Variants in PRTFDC1 observed in about 807,000 individuals in gnomAD.
The protein encoded by PRTFDC1 is phosphoribosyltransferase domain-containing protein 1.
PRTFDC1 carries 38 observed loss-of-function variants against 34.6 expected under a neutral mutation model. The ratio of observed to expected loss-of-function variants is 1.10; its 90% CI spans 0.85 to 1.44. The LOEUF is 1.44. PRTFDC1 is among the 40% of genes most tolerant of loss of function. The pLI is 0.00. For synonymous variants in PRTFDC1, 93 were observed against 98.1 expected (o/e 0.95, Z 0.31); for missense variants, 270 against 283.0 (o/e 0.95, Z 0.33).
At chr10:24,880,840 T>TTTCTTTCTTTC (rs1355396633) in intron 3 of PRTFDC1, among the ~76,000 whole-genome samples, 1 of 147,298 alleles carries the variant, frequency 6.8e-6, no homozygotes, top group East Asian at 2.0e-4. Flanking sequence ...TCTTTCTTTC[T>TTTCTTTCTTTC]TTCTTTCTTT....
intron 3 of PRTFDC1, among the ~76,000 whole-genome samples, chr10:24,885,838 A>G (rs1848155955): frequency 6.6e-6 from 1 of 152,270 alleles, no homozygotes. Context: ...CAAGCCATAA[A>G]AAGACATGAA....
chr10:24,867,471 C>T (rs904850272), intron 4 of PRTFDC1, among the ~76,000 whole-genome samples: 1 of 152,184 alleles, frequency 6.6e-6, no homozygotes, highest in Non-Finnish European at 1.5e-5. Context: ...TTTTGTGTCT[C>T]CTGTTTGCTT....
rs1428359506 is a variant in PRTFDC1, at chr10:24,849,429, T to A, written c.*415A>T. Reference sequence around the variant, plus strand: ...ACTCAAGTCTTCAGTTAAAAAAAAGTCCCCAGCTTCTTAATATTGTAAGCT... The same window carrying A: ...ACTCAAGTCTTCAGTTAAAAAAAAGACCCCAGCTTCTTAATATTGTAAGCT... On this transcript the variant is annotated 3_prime_UTR_variant, in exon 9 of 9. Coordinates refer to ENST00000320152, the MANE Select transcript of PRTFDC1 (RefSeq NM_020200.7). 6.5e-6 allele frequency: 1 copy of A among 154,630 alleles called. No individual in the cohort carries two copies. Among genetic ancestry groups the A allele is most frequent in the East Asian group, 1.9e-4 (1 of 5,276 alleles). 9.6% of individuals were successfully genotyped at this position (154,630 alleles called of 1,614,324 possible).
intron 3 of PRTFDC1, among the ~76,000 whole-genome samples, chr10:24,886,280 T>C (rs1202870226): frequency 6.6e-6 from 1 of 152,130 alleles, no homozygotes; most frequent in African/African-American, 2.4e-5. Flanking sequence ...AAGCTAAAAC[T>C]ACTCTGAAAA....
Position 24,952,129 on chromosome 10 carries a change from G to A in PRTFDC1, c.48+399C>T, listed in dbSNP as rs537798096. Among the ~76,000 whole-genome samples, 3 of 152,320 alleles carry A rather than the reference G, an allele frequency of 2.0e-5. No individual in the cohort carries two copies. Among genetic ancestry groups the A allele is most frequent in the South Asian group, 2.1e-4 (1 of 4,830 alleles). Reference sequence around the variant, plus strand: ...TTTTTAAAAACAAAACTTGAAGCCCGCCCTGGAGGAGTCAAGAGGAGACCC... The same window carrying A: ...TTTTTAAAAACAAAACTTGAAGCCCACCCTGGAGGAGTCAAGAGGAGACCC... On this transcript the variant is annotated intron_variant, in intron 1 of 8. Coordinates refer to ENST00000320152, the MANE Select transcript of PRTFDC1 (RefSeq NM_020200.7). This position sits in a 1 kb window ranked among gnomAD's most constrained non-coding sequence, Gnocchi z 5.1.
In PRTFDC1 at chr10:24,952,014, C is replaced by G. The variant is rs1849352759; in HGVS notation, c.48+514G>C. ...CAGAGGCCTCCACTGCCAGAGAGCC[C>G]CCAACCTGGGTACCAAAGGCTTCAA... On this transcript the variant is annotated intron_variant, in intron 1 of 8. Transcript: ENST00000320152. This position sits in a 1 kb window ranked among gnomAD's most constrained non-coding sequence, Gnocchi z 5.1. Among the ~76,000 whole-genome samples the G allele has an allele frequency of 6.6e-6, 1 of 152,226 alleles. No homozygotes were observed. The highest frequency in any genetic ancestry group is 2.4e-5 in the African/African-American group (1 of 41,460).
intron 7 of PRTFDC1, among the ~76,000 whole-genome samples, chr10:24,851,684 T>A (rs569915238): frequency 6.6e-6 from 1 of 151,712 alleles, no homozygotes; most frequent in African/African-American, 2.4e-5. Flanking sequence ...CAACCTACAA[T>A]GAAGAATGAC....
chr10:24,911,541 T>A (rs1034394249), intron 3 of PRTFDC1, among the ~76,000 whole-genome samples: 2 of 152,212 alleles, frequency 1.3e-5, no homozygotes, highest in Non-Finnish European at 2.9e-5. Flanking sequence ...ATAAAGTTGC[T>A]ATGAATATTT....
chr10:24,863,445 T>A (rs943721618), intron 4 of PRTFDC1, among the ~76,000 whole-genome samples: 1 of 152,196 alleles, frequency 6.6e-6, no homozygotes, highest in Non-Finnish European at 1.5e-5. Context: ...TTATGCTCAT[T>A]AACAATCTAC....
intron 3 of PRTFDC1, among the ~76,000 whole-genome samples, chr10:24,921,716 A>G (rs1373878476): frequency 4.0e-5 from 1 of 25,008 alleles, no homozygotes; most frequent in Non-Finnish European, 8.5e-5. Flanking sequence ...TTCTCTAGGA[A>G]AAAAAAAAAA....
intron 7 of PRTFDC1, among the ~76,000 whole-genome samples, chr10:24,852,574 G>A (rs1450936090): frequency 1.3e-5 from 2 of 152,182 alleles, no homozygotes; most frequent in African/African-American, 4.8e-5. Context: ...GGGACTACAG[G>A]CATGCAAAAC....
chr10:24,947,576 AT>A (rs950490711), intron 1 of PRTFDC1, among the ~76,000 whole-genome samples: 29 of 152,288 alleles, frequency 1.9e-4, no homozygotes, highest in African/African-American at 6.7e-4. Context: ...AGTAATTCTG[AT>A]TCTCTTTTTC....
chr10:24,896,736 T>C (rs144878563), intron 3 of PRTFDC1, among the ~76,000 whole-genome samples: 1 of 152,286 alleles, frequency 6.6e-6, no homozygotes, highest in Admixed American at 6.5e-5. Flanking sequence ...AAATTCAAGG[T>C]CTTTCCAATA....
chr10:24,911,214 T>G (rs977259151), intron 3 of PRTFDC1, among the ~76,000 whole-genome samples: 1 of 152,218 alleles, frequency 6.6e-6, no homozygotes, highest in Non-Finnish European at 1.5e-5. Context: ...AAAAGCTCCC[T>G]TGAGCCCCTT....
intron 3 of PRTFDC1, among the ~76,000 whole-genome samples, chr10:24,890,723 T>C (rs1848246005): frequency 6.6e-6 from 1 of 152,176 alleles, no homozygotes; most frequent in Admixed American, 6.5e-5. Flanking sequence ...GACTGTAAGA[T>C]CCTGGGAGGA....
chr10:24,896,316 T>A (rs1245539388), intron 3 of PRTFDC1, among the ~76,000 whole-genome samples: 1 of 152,124 alleles, frequency 6.6e-6, no homozygotes, highest in Admixed American at 6.5e-5. Flanking sequence ...CTTACGAGAA[T>A]CTAACTAATG....
intron 3 of PRTFDC1, among the ~76,000 whole-genome samples, chr10:24,913,933 C>T (rs1848660568): frequency 6.6e-6 from 1 of 151,966 alleles, no homozygotes; most frequent in African/African-American, 2.4e-5. Context: ...TTTTATTTTC[C>T]CTCTGGGGAA....
chr10:24,872,788 G>GTATATATATATATATATA (rs1555045487), intron 3 of PRTFDC1, among the ~76,000 whole-genome samples: 4 of 83,210 alleles, frequency 4.8e-5, no homozygotes, highest in African/African-American at 1.9e-4. Context: ...GTGTGTGTGT[G>GTATATATATATATATATA]TATATATATA....
chr10:24,892,971 A>T (rs12246114), intron 3 of PRTFDC1, among the ~76,000 whole-genome samples: 42,629 of 152,004 alleles, frequency 0.28, 7,534 homozygotes, highest in African/African-American at 0.51. Context: ...AGTTTCTAAG[A>T]TCTCTTAAAA....
Sources: gnomAD v4.1 joint callset for allele counts (sites outside exome capture counted in the v4.1 genomes callset) on GRCh38, gnomAD v4.1.1 for gene constraint, Gnocchi (gnomAD v3.1) non-coding constraint, MANE v1.5 for transcripts, NCBI Gene and HGNC (gene_info 2026-07-23, HGNC 2026-07-21) for gene names.